ADAMTS18: variants seen among roughly 807,000 people sequenced by gnomAD.
ADAMTS18 encodes A disintegrin and metalloproteinase with thrombospondin motifs 18.
A neutral mutation model predicts 165.9 loss-of-function variants in ADAMTS18; 157 were observed. The ratio of observed to expected loss-of-function variants is 0.95; its 90% CI spans 0.83 to 1.08. The LOEUF is 1.08. ADAMTS18 is among the 50% of genes least tolerant of loss of function. The pLI, the probability that ADAMTS18 is intolerant of heterozygous loss-of-function variation, is 0.00. For missense variants in ADAMTS18, 2,040 were observed against 1,534.0 expected (o/e 1.33, Z -5.51); for synonymous variants, 782 against 578.2 (o/e 1.35, Z -5.06).
chr16:77,419,864 G>A (rs529508560), intron 3 of ADAMTS18, among the ~76,000 whole-genome samples: 9 of 151,768 alleles, frequency 5.9e-5, no homozygotes, highest in African/African-American at 2.2e-4. Flanking sequence ...GCTGGGTATG[G>A]TAGTGGCGCC....
At chr16:77,428,141 C>T (rs984004672) in intron 3 of ADAMTS18, among the ~76,000 whole-genome samples, 1 of 152,186 alleles carries the variant, frequency 6.6e-6, no homozygotes, top group African/African-American at 2.4e-5. Flanking sequence ...CAGAGAAACA[C>T]TGATATATAA....
Position 77,303,799 on chromosome 16 carries a change from C to G in ADAMTS18, c.2533-3395G>C, listed in dbSNP as rs1416225044. ...CTGTAATCCCAGTACTTTGGGAGGCCGAGGTGGGTGGATCACGAGGTTAGG... is the reference window on the plus strand; with the variant it reads ...CTGTAATCCCAGTACTTTGGGAGGCGGAGGTGGGTGGATCACGAGGTTAGG... On this transcript the variant is annotated intron_variant, in intron 16 of 22. Transcript: ENST00000282849. 2.6e-5 allele frequency among the ~76,000 whole-genome samples: 4 copies of G among 152,238 alleles called. No individual in the cohort carries two copies. The South Asian group carries it at 8.3e-4, about 32-fold the overall frequency.
At chr16:77,312,410 G>C (rs1018016036) in intron 16 of ADAMTS18, among the ~76,000 whole-genome samples, 1 of 151,916 alleles carries the variant, frequency 6.6e-6, no homozygotes, top group African/African-American at 2.4e-5. Flanking sequence ...GCTAATTTTT[G>C]TATTTTTAAT....
chr16:77,417,337 G>T (rs901376105), intron 3 of ADAMTS18, among the ~76,000 whole-genome samples: 2 of 151,982 alleles, frequency 1.3e-5, no homozygotes, highest in Non-Finnish European at 2.9e-5. Context: ...GGCATAGAGG[G>T]AAAAGAAAAA....
intron 9 of ADAMTS18, among the ~76,000 whole-genome samples, chr16:77,355,552 G>A (rs2056616687): frequency 6.6e-6 from 1 of 152,100 alleles, no homozygotes; most frequent in Non-Finnish European, 1.5e-5. Context: ...AGCAGCCTCT[G>A]GAAGTCACAG....
At chr16:77,359,258 A>G in intron 8 of ADAMTS18, 60 bp downstream of exon 8, 1 of 1,401,208 alleles carries the variant, frequency 7.1e-7, no homozygotes, top group South Asian at 1.2e-5. Flanking sequence ...CGGTTAGAGG[A>G]ACACCAATGA....
At chr16:77,293,006 A>T in intron 20 of ADAMTS18, 70 bp downstream of exon 20, 3 of 1,596,662 alleles carry the variant, frequency 1.9e-6, no homozygotes, top group Non-Finnish European at 2.6e-6. Context: ...TTTTTAGTAG[A>T]GACAGGGTTT....
At position 77,405,700 on chromosome 16, in the gene ADAMTS18, G is replaced by A. The variant is rs573062813; in HGVS notation, c.495+25595C>T. Among the ~76,000 whole-genome samples, 56 of 152,036 alleles carry A rather than the reference G, an allele frequency of 3.7e-4. No individual in the cohort carries two copies. In the South Asian group the frequency reaches 0.011, roughly 29 times the overall value. ...TCTGGAGGCTAAAAAGTCTAATATC[G>A]AAGCTCTGGCCACTATGGTTCCTGA... On this transcript the variant is annotated intron_variant, in intron 3 of 22. Coordinates refer to ENST00000282849, the MANE Select transcript of ADAMTS18 (RefSeq NM_199355.4).
At chr16:77,312,158 T>C (rs192299250) in intron 16 of ADAMTS18, among the ~76,000 whole-genome samples, 1,961 of 152,280 alleles carry the variant, frequency 0.013, 27 homozygotes, top group Non-Finnish European at 0.018. Context: ...AAGAGATAGA[T>C]TGATGAACCG....
At chr16:77,408,049 CA>C (rs746297477) in intron 3 of ADAMTS18, among the ~76,000 whole-genome samples, 1 of 151,736 alleles carries the variant, frequency 6.6e-6, no homozygotes, top group Non-Finnish European at 1.5e-5. Flanking sequence ...AGAAAAATGG[CA>C]AAAAACTTAG....
At chr16:77,410,975 A>T (rs12446196) in intron 3 of ADAMTS18, among the ~76,000 whole-genome samples, 18,309 of 152,242 alleles carry the variant, frequency 0.12, 1,257 homozygotes, top group Non-Finnish European at 0.16. Context: ...GTTTTGGAAG[A>T]CCATTACATC....
chr16:77,394,687 C>A (rs749002029), intron 3 of ADAMTS18, among the ~76,000 whole-genome samples: 20 of 152,118 alleles, frequency 1.3e-4, no homozygotes, highest in Non-Finnish European at 2.8e-4. Flanking sequence ...ATTTGACTTA[C>A]CACGAAAATT....
At chr16:77,297,680 T>G (rs531625100) in intron 17 of ADAMTS18, among the ~76,000 whole-genome samples, 1 of 152,166 alleles carries the variant, frequency 6.6e-6, no homozygotes, top group South Asian at 2.1e-4. Context: ...AACCATAAAT[T>G]GATAAATACA....
chr16:77,353,599 C>A (rs2056586085), intron 10 of ADAMTS18, 134 bp downstream of exon 10: 1 of 1,227,026 alleles, frequency 8.1e-7, no homozygotes, highest in Non-Finnish European at 1.2e-6. Flanking sequence ...AATTATCATG[C>A]CAAACAACTG....
rs1330558473 is a variant in ADAMTS18, at chr16:77,291,470, T to C, written c.3198A>G (p.Ala1066=). The part of the protein sequence containing the change: ...WVASSWSECS[A]TCGLGVRKRE... ...TCTTCCTCACACCCAAACCACAGGT[T>C]GCAGAACACTAGGAGCCAAGACAGG... The change falls in exon 21 of 23, where the codon GCA becomes GCG. Residue 1066 remains alanine, a synonymous_variant. Coordinates refer to ENST00000282849, the MANE Select transcript of ADAMTS18 (RefSeq NM_199355.4). The C allele has an allele frequency of 1.2e-6, 2 of 1,614,158 alleles. No homozygotes were observed. The highest frequency in any genetic ancestry group is 1.7e-5 in the Admixed American group (1 of 60,026).
intron 17 of ADAMTS18, among the ~76,000 whole-genome samples, chr16:77,299,635 C>T (rs925570473): frequency 6.6e-6 from 1 of 152,168 alleles, no homozygotes; most frequent in African/African-American, 2.4e-5. Context: ...CCCAAATGAG[C>T]AAGTGTGACA....
At chr16:77,312,261 A>T (rs988624747) in intron 16 of ADAMTS18, among the ~76,000 whole-genome samples, 2 of 150,234 alleles carry the variant, frequency 1.3e-5, no homozygotes, top group Admixed American at 1.3e-4. Context: ...TTTGAGACGG[A>T]GTTTTGTTCT....
chr16:77,314,968 G>C (rs2055861134), intron 16 of ADAMTS18, among the ~76,000 whole-genome samples: 3 of 150,260 alleles, frequency 2.0e-5, no homozygotes. Context: ...TAAGAAACTT[G>C]CCTAAGTTAT....
intron 8 of ADAMTS18, among the ~76,000 whole-genome samples, chr16:77,357,259 T>C (rs1298759956): frequency 6.6e-6 from 1 of 152,134 alleles, no homozygotes; most frequent in African/African-American, 2.4e-5. Flanking sequence ...GTCTATAATA[T>C]GGCCATTTTT....
Sources: allele counts gnomAD v4.1 joint callset (sites outside exome capture counted in the v4.1 genomes callset), GRCh38; gene constraint gnomAD v4.1.1; transcripts MANE v1.5; gene names NCBI Gene and HGNC (gene_info 2026-07-23, HGNC 2026-07-21).